The following XPA variants were observed in gnomAD, a reference collection of about 807,000 sequenced individuals.
XPA encodes the protein XPA, DNA damage recognition and repair factor.
In XPA, 27 loss-of-function variants were observed where a neutral mutation model predicts 35.7. The ratio of observed to expected loss-of-function variants is 0.76; its 90% CI spans 0.56 to 1.04. XPA has a LOEUF of 1.04. Among genes scored for constraint, XPA ranks in the 50% least tolerant of loss-of-function variants. The probability of loss-of-function intolerance (pLI) is 0.00; values close to 1 mark genes in which losing one functional copy is unlikely to be tolerated. For missense variants in XPA, 354 were observed against 342.7 expected, an observed-to-expected ratio of 1.03 and a Z score of -0.26; for synonymous variants, 133 against 118.4, an observed-to-expected ratio of 1.12 and a Z score of -0.80.
chr9:97,697,051 C>G, intron 1 of XPA, 70 bp downstream of exon 1: 1 of 1,468,304 alleles, frequency 6.8e-7, no homozygotes. Flanking sequence ...CGGGACTCGG[C>G]TTGCACGAGC....
intron 5 of XPA, 35 bp downstream of exon 5, chr9:97,684,888 C>A (rs1342919993): frequency 1.9e-6 from 3 of 1,559,266 alleles, no homozygotes; most frequent in Non-Finnish European, 2.7e-6. Context: ...AATGGTAAAA[C>A]ACAATCCTTC....
chr9:97,666,878 G>C, the XPA span: 1 of 1,582,184 alleles, frequency 6.3e-7, no homozygotes, highest in Non-Finnish European at 8.6e-7. Context: ...ACACAAACGG[G>C]TAAGTTTTGT....
intron 5 of XPA, among the ~76,000 whole-genome samples, chr9:97,680,915 A>G (rs1828520694): frequency 1.3e-5 from 2 of 152,214 alleles, no homozygotes; most frequent in African/African-American, 4.8e-5. Context: ...GTGGTTTACC[A>G]CGTTCCAACC....
chr9:97,690,480 T>A (rs1828853607), intron 2 of XPA, among the ~76,000 whole-genome samples: 1 of 151,890 alleles, frequency 6.6e-6, no homozygotes, highest in East Asian at 1.9e-4. Flanking sequence ...CTTCACCTCC[T>A]GGGTTCAAGC....
chr9:97,668,226 C>A, the XPA span, among the ~76,000 whole-genome samples: 1 of 152,212 alleles, frequency 6.6e-6, no homozygotes, highest in Non-Finnish European at 1.5e-5. Context: ...GTCATCTAAC[C>A]TCTCAGCCTT....
chr9:97,665,219 G>A, the XPA span, among the ~76,000 whole-genome samples: 1 of 152,144 alleles, frequency 6.6e-6, no homozygotes, highest in Admixed American at 6.5e-5. Context: ...TTGTCATACC[G>A]GCCAGGTTGG....
chr9:97,654,580 A>G, the XPA span, among the ~76,000 whole-genome samples: 1 of 147,184 alleles, frequency 6.8e-6, no homozygotes, highest in Non-Finnish European at 1.5e-5. Context: ...AAAAAAAAAG[A>G]AGCAATTTCT....
intron 4 of XPA, 59 bp from the exon 5 acceptor site, chr9:97,685,099 TTA>T (rs1437788990): frequency 7.1e-7 from 1 of 1,411,770 alleles, no homozygotes; most frequent in African/African-American, 1.4e-5. Context: ...AATATTATAG[TTA>T]TAACTGTCAA....
chr9:97,675,512 T>C lies in XPA; in HGVS notation c.749A>G (p.Glu250Gly), dbSNP rs1325461880. 3 of 1,613,944 alleles carry C rather than the reference T, an allele frequency of 1.9e-6. No homozygotes were observed. Among genetic ancestry groups the C allele is most frequent in the Non-Finnish European group, 2.5e-6 (3 of 1,179,962 alleles). ...IVHQHEYGPE[E>G]NLEDDMYRKT... ...ACGGTACATGTCATCTTCTAGGTTT[T>C]CTTCTGGTCCATACTCATGTTGATG... is the stretch of plus-strand genomic sequence containing the variant. Residue 250 changes from glutamate (E) to glycine (G), a missense_variant, in exon 6 of 6, where the codon GAA (glutamate) becomes GGA (glycine). By Grantham distance (98) the Glu-to-Gly change is moderately conservative. Coordinates refer to ENST00000375128, the MANE Select transcript of XPA (RefSeq NM_000380.4).
chr9:97,663,905 G>A, the XPA span, among the ~76,000 whole-genome samples: 76 of 151,976 alleles, frequency 5.0e-4, no homozygotes, highest in Non-Finnish European at 8.8e-4. Context: ...CAGGCCAGGC[G>A]TGGTGGCTCT....
At chr9:97,657,013 G>C in the XPA span, among the ~76,000 whole-genome samples, 1 of 152,172 alleles carries the variant, frequency 6.6e-6, no homozygotes, top group South Asian at 2.1e-4. Flanking sequence ...CTGTCACCCA[G>C]GCTGGAGTGC....
intron 5 of XPA, among the ~76,000 whole-genome samples, chr9:97,676,585 A>G (rs558364200): frequency 2.0e-5 from 3 of 152,230 alleles, no homozygotes; most frequent in Non-Finnish European, 4.4e-5. Flanking sequence ...GTATCAAAAT[A>G]CTACTTGAAC....
intron 2 of XPA, 132 bp from the exon 3 acceptor site, chr9:97,689,771 C>T (rs983184482): frequency 1.9e-6 from 1 of 530,158 alleles, no homozygotes; most frequent in Non-Finnish European, 3.3e-6. Context: ...CAAAATAAGA[C>T]CTTATGTTTA....
rs375496325 is a variant in XPA at position 97,693,643 on chromosome 9, C to T, written c.283+6G>A. 14 of 1,613,032 alleles carry T rather than the reference C, an allele frequency of 8.7e-6. No individual in the cohort carries two copies. Among genetic ancestry groups the T allele is most frequent in the Non-Finnish European group, 1.1e-5 (13 of 1,179,602 alleles). Reference sequence around the variant, plus strand: ...TAGATACTTATTTTTGAAAAACTCACTTTACCTGGTTGATGAACAACTTTT... The same window carrying T: ...TAGATACTTATTTTTGAAAAACTCATTTTACCTGGTTGATGAACAACTTTT... On this transcript the variant is annotated splice_donor_region_variant and intron_variant, in intron 2 of 5. Transcript: ENST00000375128.
chr9:97,695,615 C>A (rs1300337889), intron 1 of XPA, among the ~76,000 whole-genome samples: 1 of 152,300 alleles, frequency 6.6e-6, no homozygotes, highest in South Asian at 2.1e-4. Context: ...AAACAAAGTC[C>A]GATTTCTCTC....
the XPA span, chr9:97,664,564 T>C: frequency 1.6e-6 from 1 of 632,582 alleles, no homozygotes; most frequent in Non-Finnish European, 2.7e-6. Context: ...AATGGTCCAA[T>C]CTGGTAGGAT....
At chr9:97,666,630 G>A in the XPA span, 5 of 571,022 alleles carry the variant, frequency 8.8e-6, no homozygotes, top group African/African-American at 1.9e-5. Context: ...TATTGCTGGA[G>A]AAAGATGACT....
chr9:97,656,958 T>G, the XPA span, among the ~76,000 whole-genome samples: 1 of 150,528 alleles, frequency 6.6e-6, no homozygotes, highest in South Asian at 2.1e-4. Context: ...GTCTGGAGTG[T>G]TTTTTTTGTT....
intron 2 of XPA, 134 bp downstream of exon 2, chr9:97,693,513 CTT>C: frequency 1.3e-6 from 1 of 791,296 alleles, no homozygotes; most frequent in Non-Finnish European, 2.0e-6. Context: ...AACTGCCAAA[CTT>C]TATCACTTTT....
Sources: allele counts gnomAD v4.1 joint callset (sites outside exome capture counted in the v4.1 genomes callset), GRCh38; gene constraint gnomAD v4.1.1; transcripts MANE v1.5; gene names NCBI Gene and HGNC (gene_info 2026-07-23, HGNC 2026-07-21).